The following AKT3 variants were observed in gnomAD, a reference collection of about 807,000 sequenced individuals.
The protein encoded by AKT3 is AKT serine/threonine kinase 3, also known as RAC-gamma serine/threonine-protein kinase.
Under a neutral mutation model 65.3 loss-of-function variants are expected in AKT3, and 15 were observed. That is an observed-to-expected ratio of 0.23 (90% CI 0.15 to 0.35). AKT3 has a LOEUF of 0.35. Among genes scored for constraint, AKT3 ranks in the 10% least tolerant of loss-of-function variants. The pLI, the probability that AKT3 is intolerant of heterozygous loss-of-function variation, is 1.00. For synonymous variants in AKT3, 206 were observed against 183.8 expected (o/e 1.12, Z -0.98); for missense variants, 243 against 576.5 (o/e 0.42, Z 5.92).
In AKT3 at chr1:243,823,776, A is replaced by G. The variant is rs866390604; in HGVS notation, c.46+19349T>C. Among the ~76,000 whole-genome samples the G allele has an allele frequency of 2.6e-5, 4 of 152,280 alleles. No individual in the cohort carries two copies. The Middle Eastern group carries it at 0.01, about 388-fold the overall frequency. Reference sequence around the variant, plus strand: ...TCAGAGAGGACACAAACAAATGGAAAAACATCCCATGCTCATGGATAAGAA... The same window carrying G: ...TCAGAGAGGACACAAACAAATGGAAGAACATCCCATGCTCATGGATAAGAA... On this transcript the variant is annotated intron_variant, in intron 2 of 13. Coordinates refer to ENST00000673466, the MANE Select transcript of AKT3 (RefSeq NM_005465.7).
chr1:243,787,675 T>A (rs986218897), intron 2 of AKT3, among the ~76,000 whole-genome samples: 1 of 152,200 alleles, frequency 6.6e-6, no homozygotes, highest in Non-Finnish European at 1.5e-5. Flanking sequence ...TTATCTACTA[T>A]ATATTTATCC....
chr1:243,642,074 A>T (rs374702754), intron 5 of AKT3, among the ~76,000 whole-genome samples: 10 of 152,250 alleles, frequency 6.6e-5, no homozygotes, highest in Non-Finnish European at 1.3e-4. Context: ...AAGGGAATTT[A>T]CATGGAAATT....
intron 2 of AKT3, among the ~76,000 whole-genome samples, chr1:243,795,138 C>CTT (rs879274798): frequency 1.7e-4 from 24 of 141,200 alleles, no homozygotes; most frequent in Admixed American, 1.2e-3. Flanking sequence ...TCTATGTCTA[C>CTT]TTTTTTTTTT....
At chr1:243,807,387 T>C (rs933464897) in intron 2 of AKT3, among the ~76,000 whole-genome samples, 1 of 152,118 alleles carries the variant, frequency 6.6e-6, no homozygotes, top group African/African-American at 2.4e-5. Flanking sequence ...GGAGATTATA[T>C]CCCATGCCTG....
chr1:243,560,380 G>A (rs1673688678), intron 10 of AKT3, among the ~76,000 whole-genome samples: 2 of 152,046 alleles, frequency 1.3e-5, no homozygotes, highest in African/African-American at 4.8e-5. Flanking sequence ...AATGGTCCAC[G>A]CTGAAGACCA....
chr1:243,765,499 C>T (rs1035576512), intron 2 of AKT3, among the ~76,000 whole-genome samples: 7 of 151,924 alleles, frequency 4.6e-5, no homozygotes, highest in African/African-American at 1.7e-4. Flanking sequence ...ATTTATTGAG[C>T]GAAGAACAAA....
At chr1:243,626,891 T>C (rs1314703028) in intron 6 of AKT3, among the ~76,000 whole-genome samples, 1 of 152,214 alleles carries the variant, frequency 6.6e-6, no homozygotes, top group Non-Finnish European at 1.5e-5. Flanking sequence ...GCTACTATAC[T>C]GCAGAAAGCT....
At chr1:243,776,443 G>A (rs981032542) in intron 2 of AKT3, among the ~76,000 whole-genome samples, 2 of 152,080 alleles carry the variant, frequency 1.3e-5, no homozygotes, top group Non-Finnish European at 2.9e-5. Context: ...CCTCATAAGA[G>A]TAGTGCCCTT....
rs964005263 is a variant in AKT3 at position 243,818,067 on chromosome 1, G to A, written c.46+25058C>T. The A allele has an allele frequency of 3.3e-5, 5 of 152,164 alleles. No homozygotes were observed. In the East Asian group the frequency reaches 7.7e-4, roughly 23 times the overall value. 9.4% of individuals were successfully genotyped at this position (152,164 alleles called of 1,614,324 possible). Reference sequence around the variant, plus strand: ...GACTTACTATGCACAAGGAAACTACGAAGTAGGATTGAGAGCAGATTAAAA... The same window carrying A: ...GACTTACTATGCACAAGGAAACTACAAAGTAGGATTGAGAGCAGATTAAAA... On this transcript the variant is annotated intron_variant, in intron 2 of 13. Coordinates refer to ENST00000673466, the MANE Select transcript of AKT3 (RefSeq NM_005465.7).
At position 243,760,282 on chromosome 1, in the gene AKT3, C is replaced by CTTTTTTTTTTTT. The variant is rs58733457; in HGVS notation, c.47-64578_47-64567dup. On this transcript the variant is annotated intron_variant, in intron 2 of 13. Transcript: ENST00000673466. The stretch of plus-strand genomic sequence containing the variant: ...TACAGGCATGTACCTCTATATCTGG[C>CTTTTTTTTTTTT]TTTTTTTTTTTTTTTTTTTTTTGTC... 5.9e-4 allele frequency among the ~76,000 whole-genome samples: 48 copies of CTTTTTTTTTTTT among 80,914 alleles called. 1 individual carries two copies. Among genetic ancestry groups the CTTTTTTTTTTTT allele is most frequent in the African/African-American group, 9.7e-4 (18 of 18,544 alleles). 53.1% of individuals were successfully genotyped at this position (80,914 alleles called of 152,430 possible). A position where few individuals can be genotyped will look rare whatever the true frequency, so the allele number is the denominator to read the frequency against.
rs1172388560 is a variant in AKT3, at chr1:243,693,243, GATATATATATAT to G, written c.172+2336_172+2347del. Among the ~76,000 whole-genome samples, 69 of 45,390 alleles carry G rather than the reference GATATATATATAT, an allele frequency of 1.5e-3. 1 individual carries two copies. The highest frequency in any genetic ancestry group is 4.0e-3 in the African/African-American group (52 of 12,914). The allele number at this position is 45,390 out of a possible 152,430, so 29.8% of individuals were successfully genotyped here. ...TATATCCCTTTGGTAGCTACAATTT[GATATATATATAT>G]ATATATATATATATATATATATATA... On this transcript the variant is annotated intron_variant, in intron 3 of 13. Transcript: ENST00000673466.
intron 8 of AKT3, 69 bp from the exon 9 acceptor site, chr1:243,573,117 T>G (rs1384167334): frequency 6.5e-7 from 1 of 1,546,556 alleles, no homozygotes; most frequent in South Asian, 1.1e-5. Flanking sequence ...AACACAAACA[T>G]AAAACACCTC....
At chr1:243,511,206 G>A (rs1669990915) in intron 13 of AKT3, among the ~76,000 whole-genome samples, 1 of 152,244 alleles carries the variant, frequency 6.6e-6, no homozygotes, top group Admixed American at 6.5e-5. Flanking sequence ...GGCTATGGCT[G>A]ACCCAACTTC....
At chr1:243,805,807 T>C (rs538531235) in intron 2 of AKT3, among the ~76,000 whole-genome samples, 1 of 152,346 alleles carries the variant, frequency 6.6e-6, no homozygotes, top group Admixed American at 6.5e-5. Flanking sequence ...GTTTCTCATA[T>C]TCATTCTTCA....
chr1:243,534,240 T>A (rs761140976), intron 12 of AKT3, among the ~76,000 whole-genome samples: 3 of 152,314 alleles, frequency 2.0e-5, no homozygotes, highest in Non-Finnish European at 4.4e-5. Flanking sequence ...AGGAGCTATA[T>A]TAATTTAAGA....
At chr1:243,635,592 C>T (rs1167473691) in intron 6 of AKT3, among the ~76,000 whole-genome samples, 1 of 151,694 alleles carries the variant, frequency 6.6e-6, no homozygotes, top group Non-Finnish European at 1.5e-5. Context: ...TTATTATGGG[C>T]AAAATCCACT....
chr1:243,773,114 C>T (rs1690299863), intron 2 of AKT3, among the ~76,000 whole-genome samples: 1 of 150,802 alleles, frequency 6.6e-6, no homozygotes, highest in Non-Finnish European at 1.5e-5. Flanking sequence ...TGCAGCACAC[C>T]AACATGGCAC....
chr1:243,694,929 C>T (rs1684964383), intron 3 of AKT3, among the ~76,000 whole-genome samples: 1 of 151,914 alleles, frequency 6.6e-6, no homozygotes, highest in African/African-American at 2.4e-5. Flanking sequence ...ATTTAAAACA[C>T]TTTACTTCTA....
At position 243,489,327 on chromosome 1, in the gene AKT3, G is replaced by A. The variant is rs570768393; in HGVS notation, c.*7-877C>T. ...AGAAGCGGAGCCATGGGCCCGTCCT[G>A]GTGAGGGAGTTAAAGTCCGTGCAGG... On this transcript the variant is annotated intron_variant, in intron 13 of 13. Transcript: ENST00000336199. 2.6e-5 allele frequency among the ~76,000 whole-genome samples: 4 copies of A among 152,360 alleles called. No individual in the cohort carries two copies. The East Asian group carries it at 7.7e-4, about 30-fold the overall frequency.
Sources: allele counts gnomAD v4.1 joint callset (sites outside exome capture counted in the v4.1 genomes callset), GRCh38; gene constraint gnomAD v4.1.1; transcripts MANE v1.5; gene names NCBI Gene and HGNC (gene_info 2026-07-23, HGNC 2026-07-21).